LEF1: variants seen among roughly 807,000 people sequenced by gnomAD.
The protein encoded by LEF1 is lymphoid enhancer binding factor 1.
LEF1 carries 14 observed loss-of-function variants against 51.2 expected under a neutral mutation model. That is an observed-to-expected ratio of 0.27 (90% CI 0.18 to 0.43). The LOEUF is 0.43. LEF1 is among the 20% of genes least tolerant of loss of function. LEF1 has a pLI of 1.00. For missense variants in LEF1, 386 were observed against 512.0 expected, an observed-to-expected ratio of 0.75 and a Z score of 2.37; for synonymous variants, 185 against 183.2, an observed-to-expected ratio of 1.01 and a Z score of -0.08.
At chr4:108,087,264 G>A (rs1180967922) in intron 4 of LEF1, among the ~76,000 whole-genome samples, 1 of 152,150 alleles carries the variant, frequency 6.6e-6, no homozygotes, top group Admixed American at 6.5e-5. Context: ...CACAAGGCCT[G>A]GGATAAAACA....
rs1246141672 is a variant in LEF1, at chr4:108,135,385, G to A, written c.414+28183C>T. On this transcript the variant is annotated intron_variant, in intron 3 of 11. Transcript: ENST00000265165. Reference sequence around the variant, plus strand: ...GAAACCAGCAGGCACGGAGAATTAAGACTGTTTAGCCTGGAAGAGTGATAA... The same window carrying A: ...GAAACCAGCAGGCACGGAGAATTAAAACTGTTTAGCCTGGAAGAGTGATAA... Among the ~76,000 whole-genome samples, 4 of 152,210 alleles carry A rather than the reference G, an allele frequency of 2.6e-5. No individual in the cohort carries two copies. The East Asian group carries it at 7.7e-4, about 29-fold the overall frequency.
At chr4:108,118,381 T>C (rs998422209) in intron 3 of LEF1, among the ~76,000 whole-genome samples, 2 of 152,246 alleles carry the variant, frequency 1.3e-5, no homozygotes, top group Non-Finnish European at 2.9e-5. Context: ...TCAAGTTCCA[T>C]ACATTTTATA....
At chr4:108,166,190 C>T (rs1578416745) in intron 1 of LEF1, 1 of 1,426,972 alleles carries the variant, frequency 7.0e-7, no homozygotes, top group East Asian at 2.6e-5. Context: ...GCCCCCAGCC[C>T]GCTCAAACTG....
At chr4:108,089,959 G>T (rs929935630) in intron 3 of LEF1, among the ~76,000 whole-genome samples, 2 of 152,058 alleles carry the variant, frequency 1.3e-5, no homozygotes, top group African/African-American at 4.8e-5. Flanking sequence ...TTCCAATCTT[G>T]AGTTGAACTG....
At chr4:108,136,091 GA>G (rs1222891988) in intron 3 of LEF1, among the ~76,000 whole-genome samples, 2 of 151,956 alleles carry the variant, frequency 1.3e-5, no homozygotes, top group Non-Finnish European at 2.9e-5. Flanking sequence ...AATTCAGGTA[GA>G]AAAAAACAAA....
At position 108,108,125 on chromosome 4, in the gene LEF1, TC is replaced by T. The variant is rs2048352946; in HGVS notation, c.415-18869del. Among the ~76,000 whole-genome samples, 17 of 152,314 alleles carry T rather than the reference TC, an allele frequency of 1.1e-4. No individual in the cohort carries two copies. The South Asian group carries it at 3.3e-3, about 30-fold the overall frequency. ...CGATGAGACCCAACCATCTATTCAA[TC>T]ACTCTGGAAAGTGTATAGTTACAAA... On this transcript the variant is annotated intron_variant, in intron 3 of 11. Coordinates refer to ENST00000265165, the MANE Select transcript of LEF1 (RefSeq NM_016269.5).
chr4:108,099,936 C>G (rs978347294), intron 3 of LEF1, among the ~76,000 whole-genome samples: 2 of 151,910 alleles, frequency 1.3e-5, no homozygotes, highest in Non-Finnish European at 2.9e-5. Flanking sequence ...TTACAAATAC[C>G]TAACACACAT....
At chr4:108,051,176 A>G (rs764987860) in intron 11 of LEF1, among the ~76,000 whole-genome samples, 7 of 152,154 alleles carry the variant, frequency 4.6e-5, no homozygotes, top group Non-Finnish European at 7.4e-5. Context: ...GTCACCTTGC[A>G]AATTCTCCTG....
intron 1 of LEF1, chr4:108,166,220 AC>A: frequency 6.6e-7 from 1 of 1,524,244 alleles, no homozygotes; most frequent in Non-Finnish European, 8.8e-7. Flanking sequence ...GGTAAAGAAC[AC>A]CATTCTGTTC....
At chr4:108,071,783 C>T (rs1362975794) in intron 8 of LEF1, 2 of 152,132 alleles carry the variant, frequency 1.3e-5, no homozygotes, top group African/African-American at 4.8e-5. Context: ...GGGTATGACA[C>T]AGAGGCGATG....
chr4:108,099,159 AATTT>A (rs1245981570), intron 3 of LEF1, among the ~76,000 whole-genome samples: 2 of 152,130 alleles, frequency 1.3e-5, no homozygotes, highest in Non-Finnish European at 2.9e-5. Context: ...ATGTTCAATA[AATTT>A]ATTACTAAAA....
At chr4:108,101,139 AT>A (rs574704323) in intron 3 of LEF1, among the ~76,000 whole-genome samples, 3,066 of 152,322 alleles carry the variant, frequency 0.02, 52 homozygotes, top group Non-Finnish European at 0.033. Context: ...ATTCACAGGT[AT>A]TTTCTTCCTT....
At chr4:108,155,185 A>G (rs757388655) in intron 3 of LEF1, among the ~76,000 whole-genome samples, 2 of 152,204 alleles carry the variant, frequency 1.3e-5, no homozygotes, top group African/African-American at 4.8e-5. Context: ...TCTTACCTCA[A>G]TTCAACTCCA....
chr4:108,099,581 T>C (rs1279180547), intron 3 of LEF1, among the ~76,000 whole-genome samples: 1 of 62,080 alleles, frequency 1.6e-5, no homozygotes, highest in Non-Finnish European at 3.2e-5. Context: ...TATATATATA[T>C]ATATATATAT....
chr4:108,073,314 G>C (rs541466732), intron 8 of LEF1, among the ~76,000 whole-genome samples: 53 of 152,304 alleles, frequency 3.5e-4, no homozygotes, highest in African/African-American at 1.2e-3. Context: ...GAACCCAGGA[G>C]GTGGAGGTTG....
intron 3 of LEF1, among the ~76,000 whole-genome samples, chr4:108,115,703 G>A (rs975625036): frequency 6.6e-6 from 1 of 152,166 alleles, no homozygotes; most frequent in African/African-American, 2.4e-5. Context: ...AATCTGTAAT[G>A]GAAAATGTTG....
chr4:108,133,004 C>T (rs534696337), intron 3 of LEF1, among the ~76,000 whole-genome samples: 6 of 151,184 alleles, frequency 4.0e-5, no homozygotes, highest in Non-Finnish European at 5.9e-5. Context: ...AATGGAGTCT[C>T]GCTCTGTCGC....
intron 8 of LEF1, among the ~76,000 whole-genome samples, chr4:108,076,563 AG>A (rs1738875581): frequency 6.6e-6 from 1 of 152,078 alleles, no homozygotes; most frequent in Non-Finnish European, 1.5e-5. Flanking sequence ...TTTTTGGTAG[AG>A]ATGGGGTGTC....
chr4:108,064,336 CT>C lies in LEF1; in HGVS notation c.1164del (p.Gly389ValfsTer6), dbSNP rs745606522. 2 of 1,610,890 alleles carry C rather than the reference CT, an allele frequency of 1.2e-6. No individual in the cohort carries two copies. Among genetic ancestry groups the C allele is most frequent in the East Asian group, 2.2e-5 (1 of 44,848 alleles). ...GACTGGAAAGTCTCATGGTGCCTACCTGATGCAGATTCCTGTAGTTTCTCTC... is the reference window on the plus strand; with the variant it reads ...GACTGGAAAGTCTCATGGTGCCTACCGATGCAGATTCCTGTAGTTTCTCTC... ...RKREKLQESASGTGPRMTAAY... is the reference protein window; with the variant it reads ...RKREKLQESAXGTGPRMTAAY... On this transcript the variant is annotated frameshift_variant and splice_region_variant, in exon 10 of 12. Coordinates refer to ENST00000265165, the MANE Select transcript of LEF1 (RefSeq NM_016269.5). LOFTEE classifies it high-confidence loss of function.
Sources: gnomAD v4.1 joint callset for allele counts (sites outside exome capture counted in the v4.1 genomes callset) on GRCh38, gnomAD v4.1.1 for gene constraint, MANE v1.5 for transcripts, NCBI Gene and HGNC (gene_info 2026-07-23, HGNC 2026-07-21) for gene names.